The following MMP16 variants were observed in gnomAD, a reference collection of about 807,000 sequenced individuals.
MMP16 encodes matrix metallopeptidase 16, also known as matrix metalloproteinase-16.
Under a neutral mutation model 67.8 loss-of-function variants are expected in MMP16, and 12 were observed. That is an observed-to-expected ratio of 0.18 (90% CI 0.11 to 0.29). MMP16 has a LOEUF of 0.29. Among genes scored for constraint, MMP16 ranks in the 10% least tolerant of loss-of-function variants. MMP16 has a pLI of 1.00. For synonymous variants in MMP16, 249 were observed against 255.9 expected (o/e 0.97, Z 0.26); for missense variants, 475 against 765.7 (o/e 0.62, Z 4.48).
intron 4 of MMP16, among the ~76,000 whole-genome samples, chr8:88,133,477 G>A (rs1462486945): frequency 6.6e-6 from 1 of 151,760 alleles, no homozygotes; most frequent in Non-Finnish European, 1.5e-5. Context: ...TGGGTAAACT[G>A]AACTTTTAAT....
At chr8:88,190,295 A>G (rs554007542) in intron 2 of MMP16, among the ~76,000 whole-genome samples, 1 of 152,318 alleles carries the variant, frequency 6.6e-6, no homozygotes, top group Non-Finnish European at 1.5e-5. Context: ...AGTAGGTAAA[A>G]TACCATAAAT....
chr8:88,265,316 T>C (rs535892286), intron 1 of MMP16, among the ~76,000 whole-genome samples: 2 of 148,450 alleles, frequency 1.3e-5, no homozygotes, highest in East Asian at 2.1e-4. Flanking sequence ...GTTTCCATCA[T>C]GGTCTCTGAC....
chr8:88,218,011 C>G lies in MMP16; in HGVS notation c.133-20705G>C, dbSNP rs957954041. On this transcript the variant is annotated intron_variant, in intron 1 of 9. Coordinates refer to ENST00000286614, the MANE Select transcript of MMP16 (RefSeq NM_005941.5). ...GATTAAAGATGGGCTATACCATTTA[C>G]TTTTATTGTTTTGTTTCATTTGCTT... is the stretch of plus-strand genomic sequence containing the variant. Among the ~76,000 whole-genome samples the G allele has an allele frequency of 3.3e-5, 5 of 151,992 alleles. No individual in the cohort carries two copies. The South Asian group carries it at 1.0e-3, about 32-fold the overall frequency.
intron 1 of MMP16, among the ~76,000 whole-genome samples, chr8:88,271,790 A>G (rs1810567415): frequency 6.6e-6 from 1 of 152,220 alleles, no homozygotes; most frequent in Admixed American, 6.5e-5. Context: ...ATTGGCTTAA[A>G]TGTGAAGTGC....
intron 1 of MMP16, among the ~76,000 whole-genome samples, chr8:88,325,424 A>G (rs1811520798): frequency 6.6e-6 from 1 of 152,036 alleles, no homozygotes; most frequent in Admixed American, 6.6e-5. Flanking sequence ...ACAACCTTGC[A>G]CTTACTTTTA....
intron 1 of MMP16, among the ~76,000 whole-genome samples, chr8:88,199,696 G>A (rs1321852447): frequency 6.6e-6 from 1 of 151,880 alleles, no homozygotes; most frequent in African/African-American, 2.4e-5. Context: ...TAAATTTTGA[G>A]ATATAAATAT....
At chr8:88,255,279 T>G (rs894314254) in intron 1 of MMP16, among the ~76,000 whole-genome samples, 1 of 152,176 alleles carries the variant, frequency 6.6e-6, no homozygotes, top group African/African-American at 2.4e-5. Context: ...TCTTTCACCA[T>G]GTAATACACC....
In MMP16 at chr8:88,310,262, T is replaced by C. The variant is rs1336593140; in HGVS notation, c.132+16813A>G. Among the ~76,000 whole-genome samples, 5 of 152,128 alleles carry C rather than the reference T, an allele frequency of 3.3e-5. No individual in the cohort carries two copies. In the South Asian group the frequency reaches 1.0e-3, roughly 31 times the overall value. ...TAAACGTTCTATTGGTGAATGAAGA[T>C]AGAAAGCGCTATTTATACCAAAAAT... is the stretch of plus-strand genomic sequence containing the variant. On this transcript the variant is annotated intron_variant, in intron 1 of 9. Transcript: ENST00000286614.
chr8:88,304,930 C>G (rs1811190530), intron 1 of MMP16, among the ~76,000 whole-genome samples: 1 of 152,148 alleles, frequency 6.6e-6, no homozygotes. Context: ...ATGACAGGAT[C>G]AAATTCACAC....
intron 1 of MMP16, among the ~76,000 whole-genome samples, chr8:88,283,011 T>G (rs1025191190): frequency 6.6e-6 from 1 of 151,580 alleles, no homozygotes; most frequent in Non-Finnish European, 1.5e-5. Flanking sequence ...GGTATTGATA[T>G]GGACTTTTGA....
rs77132954 is a variant in MMP16 at position 88,207,590 on chromosome 8, C to T, written c.133-10284G>A. ...ATGAAAGTCATGGCATTACAAGCAACAGTTGAATTGCTTGTGAATTGCTTC... is the reference window on the plus strand; with the variant it reads ...ATGAAAGTCATGGCATTACAAGCAATAGTTGAATTGCTTGTGAATTGCTTC... On this transcript the variant is annotated intron_variant, in intron 1 of 9. Coordinates refer to ENST00000286614, the MANE Select transcript of MMP16 (RefSeq NM_005941.5). Among the ~76,000 whole-genome samples the T allele has an allele frequency of 2.6e-5, 4 of 152,028 alleles. No individual in the cohort carries two copies. The East Asian group carries it at 7.8e-4, about 29-fold the overall frequency.
intron 1 of MMP16, among the ~76,000 whole-genome samples, chr8:88,227,875 T>G (rs1040200942): frequency 1.3e-5 from 2 of 151,924 alleles, no homozygotes; most frequent in African/African-American, 4.8e-5. Flanking sequence ...CCCAGGAACT[T>G]AAAAAACAAT....
At chr8:88,192,923 T>A (rs1023941923) in intron 2 of MMP16, among the ~76,000 whole-genome samples, 1 of 152,084 alleles carries the variant, frequency 6.6e-6, no homozygotes, top group Non-Finnish European at 1.5e-5. Flanking sequence ...GGGGGGCATC[T>A]GAAGAAAGAG....
chr8:88,153,046 T>A (rs1256582666), intron 4 of MMP16, among the ~76,000 whole-genome samples: 1 of 125,086 alleles, frequency 8.0e-6, no homozygotes, highest in African/African-American at 3.0e-5. Flanking sequence ...TGTACAAAAA[T>A]CACAAGCATT....
intron 2 of MMP16, among the ~76,000 whole-genome samples, chr8:88,187,137 A>G (rs1469402493): frequency 6.6e-6 from 1 of 152,134 alleles, no homozygotes; most frequent in African/African-American, 2.4e-5. Context: ...TTTACATTTG[A>G]TCATTATTTC....
chr8:88,191,616 T>G (rs1462745651), intron 2 of MMP16, among the ~76,000 whole-genome samples: 1 of 152,130 alleles, frequency 6.6e-6, no homozygotes, highest in African/African-American at 2.4e-5. Context: ...CCCTGTTTTA[T>G]GTAAATAAAG....
At chr8:88,095,798 C>A (rs1809016490) in intron 6 of MMP16, among the ~76,000 whole-genome samples, 2 of 151,820 alleles carry the variant, frequency 1.3e-5, no homozygotes, top group South Asian at 4.1e-4. Flanking sequence ...AAAGACTTCC[C>A]AAATCACTGA....
At chr8:88,321,803 A>C (rs1382261106) in intron 1 of MMP16, among the ~76,000 whole-genome samples, 1 of 152,116 alleles carries the variant, frequency 6.6e-6, no homozygotes, top group Non-Finnish European at 1.5e-5. Flanking sequence ...TTCACATCTC[A>C]TTGTTGCAGA....
intron 1 of MMP16, among the ~76,000 whole-genome samples, chr8:88,202,022 G>A (rs945552613): frequency 6.6e-6 from 1 of 152,092 alleles, no homozygotes; most frequent in Non-Finnish European, 1.5e-5. Flanking sequence ...AAGATTCATA[G>A]GATAAGTTCA....
Sources: allele counts gnomAD v4.1 joint callset (sites outside exome capture counted in the v4.1 genomes callset), GRCh38; gene constraint gnomAD v4.1.1; transcripts MANE v1.5; gene names NCBI Gene and HGNC (gene_info 2026-07-23, HGNC 2026-07-21).